THSD7B: variants seen among roughly 807,000 people sequenced by gnomAD.
The protein encoded by THSD7B is thrombospondin type 1 domain containing 7B.
THSD7B carries 138 observed loss-of-function variants against 213.6 expected under a neutral mutation model. That is an observed-to-expected ratio of 0.65 (90% CI 0.56 to 0.74). The LOEUF (loss-of-function observed/expected upper bound fraction) is 0.74. THSD7B is among the 30% of genes least tolerant of loss of function. The pLI is 0.00. For missense variants in THSD7B, 1,931 were observed against 1,991.5 expected (o/e 0.97, Z 0.58); for synonymous variants, 742 against 687.0 (o/e 1.08, Z -1.25).
intron 15 of THSD7B, among the ~76,000 whole-genome samples, chr2:137,475,795 A>G (rs766135540): frequency 2.6e-5 from 4 of 152,082 alleles, no homozygotes; most frequent in Admixed American, 1.3e-4. Context: ...TGCCAAGATC[A>G]TTTTTGTATA....
intron 14 of THSD7B, among the ~76,000 whole-genome samples, chr2:137,446,748 G>GA (rs1687549171): frequency 6.6e-6 from 1 of 151,972 alleles, no homozygotes; most frequent in South Asian, 2.1e-4. Context: ...CTTTTTGGTA[G>GA]AAAAAACTGC....
chr2:137,356,525 G>A (rs1454124843), intron 12 of THSD7B, among the ~76,000 whole-genome samples: 1 of 152,174 alleles, frequency 6.6e-6, no homozygotes, highest in Non-Finnish European at 1.5e-5. Context: ...TTATGCCGTT[G>A]ATGTAGTCCC....
At chr2:136,784,245 A>C (rs1035371588) in intron 1 of THSD7B, among the ~76,000 whole-genome samples, 8 of 152,214 alleles carry the variant, frequency 5.3e-5, no homozygotes, top group Admixed American at 2.6e-4. Flanking sequence ...CTTCAGGGCA[A>C]AACAAAAGTA....
At chr2:137,381,667 C>T (rs1416533970) in intron 12 of THSD7B, among the ~76,000 whole-genome samples, 1 of 152,184 alleles carries the variant, frequency 6.6e-6, no homozygotes, top group African/African-American at 2.4e-5. Context: ...CTCACAGATG[C>T]AGATAGATTT....
chr2:137,313,328 A>T (rs1438419067), intron 12 of THSD7B, among the ~76,000 whole-genome samples: 1 of 151,730 alleles, frequency 6.6e-6, no homozygotes, highest in African/African-American at 2.4e-5. Flanking sequence ...GAGGATTGCA[A>T]CCCCTGCCTT....
intron 2 of THSD7B, among the ~76,000 whole-genome samples, chr2:136,937,331 C>A (rs1684752666): frequency 6.6e-6 from 1 of 151,886 alleles, no homozygotes; most frequent in South Asian, 2.1e-4. Flanking sequence ...CTCTGCTCCC[C>A]CGCCACCCGC....
At chr2:137,016,607 C>A (rs1686347587) in intron 2 of THSD7B, among the ~76,000 whole-genome samples, 2 of 152,150 alleles carry the variant, frequency 1.3e-5, no homozygotes, top group African/African-American at 4.8e-5. Flanking sequence ...TTATTTAATT[C>A]TCATGGGTAT....
chr2:137,670,438 C>A (rs1425391230), intron 27 of THSD7B, among the ~76,000 whole-genome samples: 1 of 151,894 alleles, frequency 6.6e-6, no homozygotes, highest in Non-Finnish European at 1.5e-5. Flanking sequence ...TTGTATAGGT[C>A]CAAACACATT....
At chr2:137,229,911 C>T (rs947617850) in intron 7 of THSD7B, among the ~76,000 whole-genome samples, 10 of 152,138 alleles carry the variant, frequency 6.6e-5, no homozygotes, top group Admixed American at 5.2e-4. Context: ...GTCCCCTTCG[C>T]GTTTATTTTT....
chr2:136,792,807 T>A (rs1279169328), intron 1 of THSD7B, among the ~76,000 whole-genome samples: 2 of 152,074 alleles, frequency 1.3e-5, no homozygotes, highest in African/African-American at 4.8e-5. Context: ...CTACTGCCTA[T>A]CCTGAAAATT....
At chr2:137,031,349 T>C (rs1686663047) in intron 2 of THSD7B, among the ~76,000 whole-genome samples, 1 of 152,054 alleles carries the variant, frequency 6.6e-6, no homozygotes, top group African/African-American at 2.4e-5. Context: ...TGTCTCTGAA[T>C]GGATGAATAA....
chr2:137,593,229 C>G (rs1310786569), intron 17 of THSD7B, among the ~76,000 whole-genome samples: 1 of 151,850 alleles, frequency 6.6e-6, no homozygotes, highest in Admixed American at 6.6e-5. Flanking sequence ...CTACTGCAAC[C>G]GTTCTGTAAA....
chr2:137,323,730 C>G (rs974197111), intron 12 of THSD7B, among the ~76,000 whole-genome samples: 7 of 151,988 alleles, frequency 4.6e-5, no homozygotes, highest in Non-Finnish European at 7.4e-5. Context: ...TGTCTATAAG[C>G]CAAACTGGCA....
At chr2:136,915,845 A>C (rs777154453) in intron 2 of THSD7B, among the ~76,000 whole-genome samples, 3 of 152,210 alleles carry the variant, frequency 2.0e-5, no homozygotes, top group Non-Finnish European at 4.4e-5. Flanking sequence ...ATTAAATTCA[A>C]CAACAACAAA....
At chr2:137,227,850 T>G (rs1052658810) in intron 7 of THSD7B, among the ~76,000 whole-genome samples, 1 of 152,174 alleles carries the variant, frequency 6.6e-6, no homozygotes, top group African/African-American at 2.4e-5. Context: ...AGATTTCAGA[T>G]GAAGACCATT....
chr2:137,103,990 A>C (rs1688198971), intron 4 of THSD7B, among the ~76,000 whole-genome samples: 1 of 152,208 alleles, frequency 6.6e-6, no homozygotes, highest in Non-Finnish European at 1.5e-5. Flanking sequence ...GAAAATTAAC[A>C]AGGATATTTA....
At chr2:137,087,119 A>G (rs538843251) in intron 3 of THSD7B, among the ~76,000 whole-genome samples, 13 of 152,284 alleles carry the variant, frequency 8.5e-5, no homozygotes, top group African/African-American at 3.1e-4. Flanking sequence ...AGAAATCACA[A>G]TACTACATGA....
chr2:137,526,453 G>T (rs561477821), intron 15 of THSD7B, among the ~76,000 whole-genome samples: 1 of 151,896 alleles, frequency 6.6e-6, no homozygotes, highest in Non-Finnish European at 1.5e-5. Context: ...AGAGAATCTC[G>T]CTCTGTCACC....
rs1163930087 is a variant in THSD7B at position 137,412,613 on chromosome 2, A to G, written c.2959+741A>G. 1.3e-5 allele frequency among the ~76,000 whole-genome samples: 2 copies of G among 148,564 alleles called. 1 individual carries two copies. Among genetic ancestry groups the G allele is most frequent in the Non-Finnish European group, 3.0e-5 (2 of 66,690 alleles). ...ACTCTGTCTCAAAAAAAAAAAAACA[A>G]AAAAAAACAAAAAACAGTTTTACTA... On this transcript the variant is annotated intron_variant, in intron 14 of 27. Coordinates refer to ENST00000409968, the MANE Select transcript of THSD7B (RefSeq NM_001316349.2).
Sources: gnomAD v4.1 joint callset for allele counts (sites outside exome capture counted in the v4.1 genomes callset) on GRCh38, gnomAD v4.1.1 for gene constraint, MANE v1.5 for transcripts, NCBI Gene and HGNC (gene_info 2026-07-23, HGNC 2026-07-21) for gene names.